The following BCAS3 variants were observed in gnomAD, a reference collection of about 807,000 sequenced individuals.
BCAS3 encodes BCAS4/BCAS3 fusion.
BCAS3 carries 53 observed loss-of-function variants against 116.1 expected under a neutral mutation model. That is an observed-to-expected ratio of 0.46 (90% CI 0.37 to 0.57). BCAS3 has a LOEUF of 0.57. Ranked by LOEUF, BCAS3 falls within the 20% of genes least tolerant of loss-of-function variation. The pLI is 0.00. For missense variants in BCAS3, 917 were observed against 1,165.4 expected (o/e 0.79, Z 3.10); for synonymous variants, 391 against 408.2 (o/e 0.96, Z 0.51).
At chr17:60,749,387 C>G (rs2042261555) in intron 6 of BCAS3, among the ~76,000 whole-genome samples, 1 of 152,166 alleles carries the variant, frequency 6.6e-6, no homozygotes. Flanking sequence ...ACAATGTTGG[C>G]TTTGTTCCCA....
intron 12 of BCAS3, among the ~76,000 whole-genome samples, chr17:60,912,723 T>G (rs2058579822): frequency 6.6e-6 from 1 of 152,122 alleles, no homozygotes; most frequent in African/African-American, 2.4e-5. Flanking sequence ...GTATAAACTT[T>G]TAGTGTTGTG....
chr17:60,978,293 A>G (rs1389646663), intron 14 of BCAS3, among the ~76,000 whole-genome samples: 15 of 143,994 alleles, frequency 1.0e-4, no homozygotes, highest in African/African-American at 4.1e-4. Flanking sequence ...GGCTGCATAA[A>G]TGTCTTCTTT....
chr17:61,375,937 CA>C (rs2059317186), intron 23 of BCAS3, among the ~76,000 whole-genome samples: 1 of 152,202 alleles, frequency 6.6e-6, no homozygotes, highest in Non-Finnish European at 1.5e-5. Flanking sequence ...ATTGATTTAT[CA>C]GTATTCGCTA....
At position 60,961,433 on chromosome 17, in the gene BCAS3, T is replaced by C. The variant is rs2061407340; in HGVS notation, c.1221+14081T>C. On this transcript the variant is annotated intron_variant, in intron 14 of 23. Coordinates refer to ENST00000407086, the MANE Select transcript of BCAS3 (RefSeq NM_017679.5). The surrounding 1 kb of genome is among the most constrained non-coding windows in gnomAD (Gnocchi z 4.8). ...GGAGCTGCTGCTTCAATCTATAGGA[T>C]CACAATAGTCACATTAGCAGAATGA... Among the ~76,000 whole-genome samples the C allele has an allele frequency of 6.6e-6, 1 of 152,076 alleles. No homozygotes were observed. Among genetic ancestry groups the C allele is most frequent in the African/African-American group, 2.4e-5 (1 of 41,422 alleles).
chr17:60,957,455 A>G (rs1004055507), intron 14 of BCAS3, among the ~76,000 whole-genome samples: 1 of 152,216 alleles, frequency 6.6e-6, no homozygotes, highest in Non-Finnish European at 1.5e-5. Flanking sequence ...TTGTGAATCT[A>G]GCAACCCTGT....
chr17:61,341,526 A>G (rs2057148831), intron 22 of BCAS3, among the ~76,000 whole-genome samples: 1 of 152,196 alleles, frequency 6.6e-6, no homozygotes, highest in Non-Finnish European at 1.5e-5. Context: ...TGGAGCCGGA[A>G]CACTGGTGCA....
rs1461206243 is a variant in BCAS3 at position 61,214,560 on chromosome 17, G to A, written c.2425+129996G>A. Among the ~76,000 whole-genome samples, 1 of 151,374 alleles carries A rather than the reference G, an allele frequency of 6.6e-6. No homozygotes were observed. The highest frequency in any genetic ancestry group is 1.9e-4 in the East Asian group (1 of 5,142). On this transcript the variant is annotated intron_variant, in intron 22 of 23. Coordinates refer to ENST00000407086, the MANE Select transcript of BCAS3 (RefSeq NM_017679.5). The surrounding 1 kb of genome is among the most constrained non-coding windows in gnomAD (Gnocchi z 4.4). Reference sequence around the variant, plus strand: ...AAAAAAATTAGCTGGGCGTGGCGGCGGGCGCCTGTAGTCCCAGCTACTCCG... The same window carrying A: ...AAAAAAATTAGCTGGGCGTGGCGGCAGGCGCCTGTAGTCCCAGCTACTCCG...
chr17:61,157,833 T>A (rs2077950343), intron 22 of BCAS3, among the ~76,000 whole-genome samples: 1 of 152,240 alleles, frequency 6.6e-6, no homozygotes, highest in Non-Finnish European at 1.5e-5. Context: ...CTTGTCTTCA[T>A]TCATCTATTT....
intron 22 of BCAS3, among the ~76,000 whole-genome samples, chr17:61,096,038 T>A (rs2073946935): frequency 6.6e-6 from 1 of 152,118 alleles, no homozygotes; most frequent in African/African-American, 2.4e-5. Flanking sequence ...TACTCTGTTG[T>A]CCAGGCTGGA....
At chr17:60,997,944 A>C (rs550911140) in intron 15 of BCAS3, among the ~76,000 whole-genome samples, 1 of 152,282 alleles carries the variant, frequency 6.6e-6, no homozygotes, top group East Asian at 1.9e-4. Flanking sequence ...TGATTCCGTC[A>C]CCCACATAGT....
chr17:61,069,527 T>G (rs2071085223), intron 19 of BCAS3, among the ~76,000 whole-genome samples: 1 of 152,160 alleles, frequency 6.6e-6, no homozygotes, highest in Admixed American at 6.5e-5. Flanking sequence ...TACTATTCAA[T>G]GTCCACCTGC....
Position 61,161,395 on chromosome 17 carries a change from A to G in BCAS3, c.2425+76831A>G, listed in dbSNP as rs1568479489. 6.6e-6 allele frequency among the ~76,000 whole-genome samples: 1 copy of G among 152,226 alleles called. No homozygotes were observed. The highest frequency in any genetic ancestry group is 1.5e-5 in the Non-Finnish European group (1 of 68,048). On this transcript the variant is annotated intron_variant, in intron 22 of 23. Transcript: ENST00000407086. The surrounding 1 kb of genome is among the most constrained non-coding windows in gnomAD (Gnocchi z 4.8). ...CTGGGATGGATTTTGATCATGTTAC[A>G]AGGCCCACTTGTTGCATTTAATTTA...
At position 61,180,545 on chromosome 17, in the gene BCAS3, GT is replaced by G. The variant is rs2144168737; in HGVS notation, c.2425+95982del. ...GTAGACTGCACATCCAGACTTGACC[GT>G]CAGGTCACCTGAAGGACAGGTTCCC... On this transcript the variant is annotated intron_variant, in intron 22 of 23. Coordinates refer to ENST00000407086, the MANE Select transcript of BCAS3 (RefSeq NM_017679.5). The surrounding 1 kb of genome is among the most constrained non-coding windows in gnomAD (Gnocchi z 6.0). Among the ~76,000 whole-genome samples the G allele has an allele frequency of 6.6e-6, 1 of 152,324 alleles. No homozygotes were observed. Among genetic ancestry groups the G allele is most frequent in the African/African-American group, 2.4e-5 (1 of 41,584 alleles).
chr17:61,152,527 T>C (rs2077597825), intron 22 of BCAS3, among the ~76,000 whole-genome samples: 1 of 152,062 alleles, frequency 6.6e-6, no homozygotes, highest in Non-Finnish European at 1.5e-5. Context: ...AGCCTATTTT[T>C]CTAGAAAAGG....
Position 60,868,617 on chromosome 17 carries a change from G to T in BCAS3, c.518G>T (p.Arg173Leu). 2 of 1,605,034 alleles carry T rather than the reference G, an allele frequency of 1.2e-6. No homozygotes were observed. The highest frequency in any genetic ancestry group is 1.7e-6 in the Non-Finnish European group (2 of 1,176,760). ...PYCCVDLYSLRTGEMVKSIQF... is the reference protein window; with the variant it reads ...PYCCVDLYSLLTGEMVKSIQF... ...TGTTGTGTGGATCTGTATTCACTTCGTACTGGGGAGATGGTCAAGTCCATT... is the reference window on the plus strand; with the variant it reads ...TGTTGTGTGGATCTGTATTCACTTCTTACTGGGGAGATGGTCAAGTCCATT... Residue 173 changes from arginine (R) to leucine (L), a missense_variant, in exon 8 of 24, where the codon CGT becomes CTT. Arg to Leu is a moderately radical substitution (Grantham distance 102). This residue lies in a region of BCAS3 where 807 missense variants were observed against 1,026.0 expected (regional missense o/e 0.79). Coordinates refer to ENST00000407086, the MANE Select transcript of BCAS3 (RefSeq NM_017679.5).
intron 22 of BCAS3, among the ~76,000 whole-genome samples, chr17:61,175,017 G>A (rs1313663690): frequency 6.6e-6 from 1 of 152,316 alleles, no homozygotes; most frequent in Non-Finnish European, 1.5e-5. Context: ...CTAGTGAGTG[G>A]TGCAGGTATT....
chr17:61,260,615 A>G (rs183964121), intron 22 of BCAS3, among the ~76,000 whole-genome samples: 10 of 152,310 alleles, frequency 6.6e-5, no homozygotes, highest in Admixed American at 6.5e-4. Flanking sequence ...CTCACGGGTA[A>G]AATTAGATGC....
chr17:60,986,274 C>G (rs941359259), intron 14 of BCAS3, among the ~76,000 whole-genome samples: 1 of 152,156 alleles, frequency 6.6e-6, no homozygotes, highest in Non-Finnish European at 1.5e-5. Flanking sequence ...CACATCTTGG[C>G]TATTGTGAAT....
chr17:60,762,018 C>T (rs979658349), intron 6 of BCAS3, among the ~76,000 whole-genome samples: 9 of 152,100 alleles, frequency 5.9e-5, no homozygotes, highest in African/African-American at 2.2e-4. Context: ...TGAGAAGGGT[C>T]TGTTCATATC....
Sources: allele counts gnomAD v4.1 joint callset (sites outside exome capture counted in the v4.1 genomes callset), GRCh38; gene constraint gnomAD v4.1.1; regional missense constraint gnomAD v4.1.1; non-coding constraint Gnocchi (gnomAD v3.1); transcripts MANE v1.5; gene names NCBI Gene and HGNC (gene_info 2026-07-23, HGNC 2026-07-21).